SPOCK3: variants seen among roughly 807,000 people sequenced by gnomAD.
SPOCK3 encodes the protein testican-3.
SPOCK3 carries 30 observed loss-of-function variants against 56.6 expected under a neutral mutation model. That is an observed-to-expected ratio of 0.53 (90% CI 0.40 to 0.72). The LOEUF (loss-of-function observed/expected upper bound fraction) is 0.72. Ranked by LOEUF, SPOCK3 falls within the 30% of genes least tolerant of loss-of-function variation. The pLI is 0.00. For synonymous variants in SPOCK3, 196 were observed against 183.3 expected (o/e 1.07, Z -0.56); for missense variants, 527 against 530.0 (o/e 0.99, Z 0.06).
rs181609144 is a variant in SPOCK3 at position 166,930,680 on chromosome 4, T to C, written c.351-17937A>G. ...CACAGAAGGCACTTATGGAAAACAT[T>C]TGCATTTCCTGTCAAGTGATCATAA... On this transcript the variant is annotated intron_variant, in intron 4 of 10. Coordinates refer to ENST00000357545, the MANE Select transcript of SPOCK3 (RefSeq NM_001040159.2). Among the ~76,000 whole-genome samples, 8 of 152,276 alleles carry C rather than the reference T, an allele frequency of 5.3e-5. No individual in the cohort carries two copies. In the East Asian group the frequency reaches 1.4e-3, roughly 26 times the overall value.
Position 166,748,594 on chromosome 4 carries a change from A to G in SPOCK3, c.931+5914T>C, listed in dbSNP as rs974662890. Among the ~76,000 whole-genome samples, 4 of 137,066 alleles carry G rather than the reference A, an allele frequency of 2.9e-5. 1 individual carries two copies. Among genetic ancestry groups the G allele is most frequent in the Non-Finnish European group, 6.2e-5 (4 of 64,636 alleles). 89.9% of individuals were successfully genotyped at this position (137,066 alleles called of 152,430 possible). ...GGCATGGGCAAAGACTTCATGTCTA[A>G]AACACCAAAAGCAATGGCAACAAAA... On this transcript the variant is annotated intron_variant, in intron 8 of 10. Transcript: ENST00000357545.
intron 4 of SPOCK3, among the ~76,000 whole-genome samples, chr4:166,928,958 ACT>A (rs1268475572): frequency 6.6e-6 from 1 of 151,374 alleles, no homozygotes; most frequent in Non-Finnish European, 1.5e-5. Context: ...ATAGAGTGAG[ACT>A]CTGCCTCAAA....
intron 2 of SPOCK3, among the ~76,000 whole-genome samples, chr4:167,125,432 G>A (rs1226672612): frequency 2.0e-5 from 3 of 149,538 alleles, no homozygotes; most frequent in South Asian, 2.1e-4. Context: ...AAACACCCCC[G>A]GCCGGGCGCG....
At chr4:167,043,565 T>A (rs2150205600) in intron 3 of SPOCK3, among the ~76,000 whole-genome samples, 1 of 152,192 alleles carries the variant, frequency 6.6e-6, no homozygotes, top group Non-Finnish European at 1.5e-5. Context: ...TGATGGTAGC[T>A]ACAGGTTTTT....
At chr4:167,002,937 T>C (rs1305643637) in intron 3 of SPOCK3, among the ~76,000 whole-genome samples, 1 of 152,230 alleles carries the variant, frequency 6.6e-6, no homozygotes, top group Non-Finnish European at 1.5e-5. Flanking sequence ...TATGTACATA[T>C]ATGTCATATA....
intron 2 of SPOCK3, among the ~76,000 whole-genome samples, chr4:167,072,896 A>G (rs1434906309): frequency 1.3e-5 from 2 of 151,902 alleles, no homozygotes; most frequent in African/African-American, 2.4e-5. Flanking sequence ...ATGAAAATCA[A>G]AGGCTAAATT....
chr4:166,811,417 T>C (rs1743778939), intron 6 of SPOCK3, among the ~76,000 whole-genome samples: 1 of 151,874 alleles, frequency 6.6e-6, no homozygotes, highest in Non-Finnish European at 1.5e-5. Context: ...TTTATTATCC[T>C]ATAGTTTCAT....
intron 7 of SPOCK3, among the ~76,000 whole-genome samples, chr4:166,780,355 AAAG>A (rs749345753): frequency 2.0e-5 from 3 of 152,132 alleles, no homozygotes; most frequent in East Asian, 3.9e-4. Context: ...ACCATAAAAA[AAAG>A]AAGAATTCAT....
At chr4:167,155,310 G>A (rs1406217316) in intron 2 of SPOCK3, among the ~76,000 whole-genome samples, 1 of 151,710 alleles carries the variant, frequency 6.6e-6, no homozygotes, top group Non-Finnish European at 1.5e-5. Flanking sequence ...TAGAGATGGG[G>A]TTTCACCATC....
intron 6 of SPOCK3, among the ~76,000 whole-genome samples, chr4:166,865,148 A>G (rs1731668147): frequency 6.6e-6 from 1 of 152,188 alleles, no homozygotes; most frequent in Non-Finnish European, 1.5e-5. Flanking sequence ...AATAAAAGTA[A>G]TCTATCACAT....
chr4:167,063,540 G>T (rs1200572843), intron 2 of SPOCK3, among the ~76,000 whole-genome samples: 1 of 151,816 alleles, frequency 6.6e-6, no homozygotes, highest in East Asian at 1.9e-4. Flanking sequence ...CTTTCTCTTT[G>T]TATCAATGTA....
chr4:166,738,441 T>A (rs371346232), intron 9 of SPOCK3, among the ~76,000 whole-genome samples: 2 of 140,274 alleles, frequency 1.4e-5, no homozygotes, highest in Non-Finnish European at 3.1e-5. Context: ...TATTTATTTA[T>A]TTAATTTTAC....
intron 3 of SPOCK3, among the ~76,000 whole-genome samples, chr4:167,022,347 G>C (rs1751269969): frequency 6.6e-6 from 1 of 152,040 alleles, no homozygotes; most frequent in East Asian, 1.9e-4. Flanking sequence ...TGTCCCCAAA[G>C]CCTGACCGGA....
intron 4 of SPOCK3, among the ~76,000 whole-genome samples, chr4:166,930,693 C>G (rs1739648450): frequency 6.6e-6 from 1 of 152,138 alleles, no homozygotes; most frequent in Non-Finnish European, 1.5e-5. Flanking sequence ...CATTTCCTGT[C>G]AAGTGATCAT....
intron 2 of SPOCK3, among the ~76,000 whole-genome samples, chr4:167,222,807 GAATA>G (rs1736113129): frequency 9.2e-6 from 1 of 108,554 alleles, no homozygotes; most frequent in Non-Finnish European, 1.7e-5. Context: ...ATTGATATAT[GAATA>G]TATAAATATA....
At chr4:166,767,639 G>T (rs935878679) in intron 7 of SPOCK3, among the ~76,000 whole-genome samples, 1 of 152,226 alleles carries the variant, frequency 6.6e-6, no homozygotes. Flanking sequence ...TAAGTGCCAT[G>T]TGGTGCTGAG....
At chr4:166,891,500 G>C (rs1016823578) in intron 5 of SPOCK3, among the ~76,000 whole-genome samples, 1 of 151,780 alleles carries the variant, frequency 6.6e-6, no homozygotes, top group African/African-American at 2.4e-5. Context: ...CTTTGAACAT[G>C]TTTATAGTAG....
intron 2 of SPOCK3, among the ~76,000 whole-genome samples, chr4:167,160,256 CAG>C (rs1158763470): frequency 6.6e-6 from 1 of 152,134 alleles, no homozygotes; most frequent in East Asian, 1.9e-4. Context: ...AACGGACAAA[CAG>C]AGAGCCAAAC....
chr4:166,969,614 G>T (rs1745154799), intron 4 of SPOCK3, among the ~76,000 whole-genome samples: 1 of 150,804 alleles, frequency 6.6e-6, no homozygotes, highest in African/African-American at 2.4e-5. Flanking sequence ...AGATGTGTTT[G>T]CTTCCTCTTT....
Sources: gnomAD v4.1 joint callset for allele counts (sites outside exome capture counted in the v4.1 genomes callset) on GRCh38, gnomAD v4.1.1 for gene constraint, MANE v1.5 for transcripts, NCBI Gene and HGNC (gene_info 2026-07-23, HGNC 2026-07-21) for gene names.